Variants in ZNF589 observed in about 807,000 individuals in gnomAD.
ZNF589 encodes the protein KRAB-zinc finger protein SZF1-1.
Under a neutral mutation model 13.6 loss-of-function variants are expected in ZNF589, and 17 were observed. That is an observed-to-expected ratio of 1.25 (90% confidence interval 0.86 to 1.88). The LOEUF is 1.88. ZNF589 is among the 40% of genes most tolerant of loss of function. The pLI is 0.00. For missense variants in ZNF589, 407 were observed against 434.0 expected, an observed-to-expected ratio of 0.94 and a Z score of 0.55; for synonymous variants, 148 against 161.6, an observed-to-expected ratio of 0.92 and a Z score of 0.64.
chr3:48,252,208 T>C (rs1398278971), intron 2 of ZNF589, among the ~76,000 whole-genome samples: 4 of 152,052 alleles, frequency 2.6e-5, no homozygotes, highest in Middle Eastern at 6.8e-3. Flanking sequence ...TATTTTTTTT[T>C]TGAGACAGAT....
At position 48,256,293 on chromosome 3, in the gene ZNF589, G is replaced by A. The variant is rs555299949; in HGVS notation, c.97-4520G>A. ...GTTGTGGCCCAGGGCTTGTGAGTAC[G>A]CCTCCTACTCCACAGCGCAGGTGCA... On this transcript the variant is annotated intron_variant, in intron 2 of 3. Transcript: ENST00000354698. 4.7e-5 allele frequency: 21 copies of A among 445,782 alleles called. No individual in the cohort carries two copies. The East Asian group carries it at 7.0e-4, about 15-fold the overall frequency. 27.6% of individuals were successfully genotyped at this position (445,782 alleles called of 1,614,324 possible). A position where few individuals can be genotyped will look rare whatever the true frequency, so the allele number is the denominator to read the frequency against.
intron 3 of ZNF589, among the ~76,000 whole-genome samples, chr3:48,263,773 C>A (rs2033992863): frequency 6.6e-6 from 1 of 152,024 alleles, no homozygotes; most frequent in Admixed American, 6.6e-5. Flanking sequence ...AGAAAAAAAA[C>A]ACAAAACATT....
chr3:48,250,388 G>T (rs993802006), intron 2 of ZNF589, among the ~76,000 whole-genome samples: 6 of 147,796 alleles, frequency 4.1e-5, no homozygotes, highest in Non-Finnish European at 8.9e-5. Flanking sequence ...CTGGACTCAA[G>T]CAGTCCTCCC....
chr3:48,242,584 G>C (rs1011688743), intron 1 of ZNF589, among the ~76,000 whole-genome samples: 1 of 152,024 alleles, frequency 6.6e-6, no homozygotes, highest in African/African-American at 2.4e-5. Flanking sequence ...GATTATAGGC[G>C]TGAGCCACTG....
intron 2 of ZNF589, among the ~76,000 whole-genome samples, chr3:48,255,487 C>CTTTT (rs1230659894): frequency 2.2e-4 from 18 of 82,754 alleles, no homozygotes; most frequent in African/African-American, 5.2e-4. Context: ...AGAGTTTTTA[C>CTTTT]TTTTTTTTTT....
In ZNF589 at chr3:48,269,762, A is replaced by G. The variant is rs2034069518; in HGVS notation, c.*976A>G. ...ATCAGCCACACCAGCGGAAATGCTTAGGGAGAAGCCTTGTTTGTAAGGTAA... is the reference window on the plus strand; with the variant it reads ...ATCAGCCACACCAGCGGAAATGCTTGGGGAGAAGCCTTGTTTGTAAGGTAA... On this transcript the variant is annotated 3_prime_UTR_variant, in exon 4 of 4. Transcript: ENST00000354698. 1 of 342,684 alleles carries G rather than the reference A, an allele frequency of 2.9e-6. No individual in the cohort carries two copies. The highest frequency in any genetic ancestry group is 5.7e-6 in the Non-Finnish European group (1 of 174,200). The allele number at this position is 342,684 out of a possible 1,614,324, so 21.2% of individuals were successfully genotyped here.
Position 48,246,501 on chromosome 3 carries a change from T to G in ZNF589, c.44-1124T>G, listed in dbSNP as rs2033766958. Among the ~76,000 whole-genome samples the G allele has an allele frequency of 2.0e-5, 3 of 152,166 alleles. No homozygotes were observed. The South Asian group carries it at 6.2e-4, about 31-fold the overall frequency. Reference sequence around the variant, plus strand: ...ATTATTATTTTTATTATTAGAGATGTGGGTCTCATTGTCACCCAGGCTGGT... The same window carrying G: ...ATTATTATTTTTATTATTAGAGATGGGGGTCTCATTGTCACCCAGGCTGGT... On this transcript the variant is annotated intron_variant, in intron 1 of 3. Transcript: ENST00000354698.
Position 48,268,255 on chromosome 3 carries a change from G to C in ZNF589, c.564G>C (p.Gln188His), listed in dbSNP as rs537398400. Reference sequence around the variant, plus strand: ...GAGGCAACAGAATATTAGAGATACAGCTCAGTCCAGCCCAGAATGCAAGCT... The same window carrying C: ...GAGGCAACAGAATATTAGAGATACACCTCAGTCCAGCCCAGAATGCAAGCT... ...SWGGNRILEI[Q>H]LSPAQNASSE... Residue 188 changes from glutamine (Q) to histidine (H), a missense_variant, in exon 4 of 4, where the codon CAG becomes CAC. Coordinates refer to ENST00000354698, the MANE Select transcript of ZNF589 (RefSeq NM_016089.3). 1.9e-6 allele frequency: 3 copies of C among 1,608,150 alleles called. No homozygotes were observed. Among genetic ancestry groups the C allele is most frequent in the Non-Finnish European group, 2.5e-6 (3 of 1,176,710 alleles).
At chr3:48,256,834 G>A (rs1303716184) in intron 2 of ZNF589, 2 of 1,384,522 alleles carry the variant, frequency 1.4e-6, no homozygotes, top group Non-Finnish European at 2.0e-6. Flanking sequence ...CCACTTCCCT[G>A]AAACCACGAG....
Position 48,270,498 on chromosome 3 carries a change from T to C in ZNF589, c.*1712T>C, listed in dbSNP as rs951087336. The C allele has an allele frequency of 8.5e-6, 3 of 352,792 alleles. No homozygotes were observed. The highest frequency in any genetic ancestry group is 3.8e-5 in the Admixed American group (1 of 26,116). 21.9% of individuals were successfully genotyped at this position (352,792 alleles called of 1,614,324 possible). A position where few individuals can be genotyped will look rare whatever the true frequency, so the allele number is the denominator to read the frequency against. ...CATCCAGGAATGGTGCCAGGGCCTT[T>C]AGCCATTTGTCTCTCCTCACACTCC... On this transcript the variant is annotated 3_prime_UTR_variant, in exon 4 of 4. Transcript: ENST00000354698.
At chr3:48,243,738 GC>G (rs1041210007) in intron 1 of ZNF589, among the ~76,000 whole-genome samples, 1 of 151,192 alleles carries the variant, frequency 6.6e-6, no homozygotes, top group Non-Finnish European at 1.5e-5. Flanking sequence ...GTTGCAGTGA[GC>G]TTAGATCGCG....
chr3:48,265,000 C>G (rs2034004604), intron 3 of ZNF589, among the ~76,000 whole-genome samples: 1 of 151,730 alleles, frequency 6.6e-6, no homozygotes, highest in South Asian at 2.1e-4. Context: ...GAGACAGAGT[C>G]TTGTTCTGTC....
chr3:48,257,149 A>G (rs1409618520), intron 2 of ZNF589: 10 of 396,764 alleles, frequency 2.5e-5, no homozygotes, highest in Non-Finnish European at 4.0e-5. Flanking sequence ...ATTTGCTATT[A>G]GGATAATGCT....
intron 2 of ZNF589, among the ~76,000 whole-genome samples, chr3:48,251,438 T>C (rs960302770): frequency 6.6e-6 from 1 of 151,646 alleles, no homozygotes; most frequent in South Asian, 2.1e-4. Flanking sequence ...TGCGTACCTG[T>C]AATCCCAGCT....
At chr3:48,247,118 G>A (rs2033775590) in intron 1 of ZNF589, among the ~76,000 whole-genome samples, 1 of 151,956 alleles carries the variant, frequency 6.6e-6, no homozygotes, top group African/African-American at 2.4e-5. Context: ...TTATAGGCGT[G>A]CACTACCATG....
chr3:48,269,562 A>G lies in ZNF589; in HGVS notation c.*776A>G, dbSNP rs894877910. 1.2e-5 allele frequency: 4 copies of G among 344,810 alleles called. No individual in the cohort carries two copies. Among genetic ancestry groups the G allele is most frequent in the African/African-American group, 6.4e-5 (3 of 46,722 alleles). 21.4% of individuals were successfully genotyped at this position (344,810 alleles called of 1,614,324 possible). A position where few individuals can be genotyped will look rare whatever the true frequency, so the allele number is the denominator to read the frequency against. ...GAGTGTGGGCGAAACTTTAGCCACA[A>G]GTCCACTCTCAGCTTACATCAGAGG... On this transcript the variant is annotated 3_prime_UTR_variant, in exon 4 of 4. Coordinates refer to ENST00000354698, the MANE Select transcript of ZNF589 (RefSeq NM_016089.3).
intron 2 of ZNF589, among the ~76,000 whole-genome samples, chr3:48,253,246 G>T (rs926299393): frequency 6.6e-6 from 1 of 152,034 alleles, no homozygotes; most frequent in Non-Finnish European, 1.5e-5. Flanking sequence ...GGCCAGGCTG[G>T]TCCCAAATTT....
intron 1 of ZNF589, among the ~76,000 whole-genome samples, chr3:48,243,674 G>C (rs2033728055): frequency 6.6e-6 from 1 of 152,144 alleles, no homozygotes; most frequent in East Asian, 1.9e-4. Context: ...AGCTGGGCTT[G>C]GTGGTGCGCG....
chr3:48,253,624 C>T (rs985463176), intron 2 of ZNF589, among the ~76,000 whole-genome samples: 4 of 151,696 alleles, frequency 2.6e-5, no homozygotes, highest in African/African-American at 7.3e-5. Flanking sequence ...CTCAGCCTCC[C>T]GAGTAGCTGG....
Sources: allele counts gnomAD v4.1 joint callset (sites outside exome capture counted in the v4.1 genomes callset), GRCh38; gene constraint gnomAD v4.1.1; transcripts MANE v1.5; gene names NCBI Gene and HGNC (gene_info 2026-07-23, HGNC 2026-07-21).